Variants in SGCZ observed in about 807,000 individuals in gnomAD.
The protein encoded by SGCZ is zeta-sarcoglycan.
SGCZ carries 40 observed loss-of-function variants against 41.3 expected under a neutral mutation model. The observed-to-expected ratio is 0.97, with a 90% CI of 0.75 to 1.26. The LOEUF (loss-of-function observed/expected upper bound fraction) is 1.26, where lower values mean the gene tolerates loss of function less well. Ranked by LOEUF, SGCZ falls within the 50% of genes most tolerant of loss-of-function variation. SGCZ has a pLI of 0.00. For synonymous variants in SGCZ, 206 were observed against 137.5 expected (o/e 1.50, Z -3.49); for missense variants, 552 against 369.8 (o/e 1.49, Z -4.04).
chr8:15,053,319 C>G (rs533351269), intron 1 of SGCZ, among the ~76,000 whole-genome samples: 11 of 151,456 alleles, frequency 7.3e-5, no homozygotes, highest in Non-Finnish European at 1.2e-4. Flanking sequence ...ATAGTCGTCA[C>G]TATATCTTAC....
rs191720774 is a variant in SGCZ, at chr8:14,794,407, C to T, written c.40-239481G>A. Reference sequence around the variant, plus strand: ...AAAAGACAAAAAGAGCTGTTAGAAACTCAAAATATTTTTCTGAAACTTAAA... The same window carrying T: ...AAAAGACAAAAAGAGCTGTTAGAAATTCAAAATATTTTTCTGAAACTTAAA... On this transcript the variant is annotated intron_variant, in intron 1 of 7. Coordinates refer to ENST00000382080, the MANE Select transcript of SGCZ (RefSeq NM_139167.4). 1.8e-3 allele frequency among the ~76,000 whole-genome samples: 274 copies of T among 152,146 alleles called. 1 individual carries two copies. The highest frequency in any genetic ancestry group is 6.0e-3 in the African/African-American group (250 of 41,526).
chr8:14,374,684 A>C (rs1156458065), intron 2 of SGCZ, among the ~76,000 whole-genome samples: 1 of 152,146 alleles, frequency 6.6e-6, no homozygotes, highest in Non-Finnish European at 1.5e-5. Flanking sequence ...AGATAAGCTC[A>C]TTGGCTTGGG....
chr8:14,305,541 TTAAC>T (rs1317923067), intron 3 of SGCZ, among the ~76,000 whole-genome samples: 6 of 152,302 alleles, frequency 3.9e-5, no homozygotes, highest in South Asian at 2.1e-4. Flanking sequence ...CTTATTAAAT[TTAAC>T]TAACAAATGT....
chr8:14,921,142 G>C (rs1405718564), intron 1 of SGCZ, among the ~76,000 whole-genome samples: 1 of 152,180 alleles, frequency 6.6e-6, no homozygotes, highest in African/African-American at 2.4e-5. Flanking sequence ...ATTGGATTAG[G>C]CTTCAAGCTC....
At chr8:14,186,365 G>A (rs1190629397) in intron 4 of SGCZ, among the ~76,000 whole-genome samples, 1 of 152,192 alleles carries the variant, frequency 6.6e-6, no homozygotes, top group Non-Finnish European at 1.5e-5. Context: ...CCATCCTAAT[G>A]TGATGGAAAT....
intron 2 of SGCZ, among the ~76,000 whole-genome samples, chr8:14,338,696 G>A (rs1185139856): frequency 6.6e-6 from 1 of 152,088 alleles, no homozygotes; most frequent in South Asian, 2.1e-4. Flanking sequence ...ACATTATTTA[G>A]TGTTTATTTT....
chr8:14,418,097 G>C (rs1799545199), intron 2 of SGCZ, among the ~76,000 whole-genome samples: 1 of 151,896 alleles, frequency 6.6e-6, no homozygotes, highest in Non-Finnish European at 1.5e-5. Flanking sequence ...AGGTGAATGA[G>C]TAAAGACACA....
At chr8:14,879,160 T>A (rs1206715537) in intron 1 of SGCZ, 1 of 152,034 alleles carries the variant, frequency 6.6e-6, no homozygotes, top group Non-Finnish European at 1.5e-5. Flanking sequence ...CCCCCATCTC[T>A]TAAAAAAAAT....
At chr8:14,441,697 G>C (rs1036988118) in intron 2 of SGCZ, among the ~76,000 whole-genome samples, 1 of 152,190 alleles carries the variant, frequency 6.6e-6, no homozygotes, top group African/African-American at 2.4e-5. Flanking sequence ...CTCACCACAT[G>C]TAATTTGCAG....
intron 1 of SGCZ, among the ~76,000 whole-genome samples, chr8:15,015,322 C>A (rs1802984718): frequency 6.6e-6 from 1 of 151,882 alleles, no homozygotes; most frequent in Non-Finnish European, 1.5e-5. Context: ...CATCAATTGA[C>A]AAATAGATGA....
intron 2 of SGCZ, among the ~76,000 whole-genome samples, chr8:14,479,739 T>TTTTTTTA: frequency 4.3e-5 from 1 of 23,438 alleles, no homozygotes; most frequent in Non-Finnish European, 1.4e-4. Flanking sequence ...TTCTTTTTTT[T>TTTTTTTA]TTTTTTTTTT....
At chr8:14,504,264 G>C (rs747746962) in intron 2 of SGCZ, among the ~76,000 whole-genome samples, 5 of 152,172 alleles carry the variant, frequency 3.3e-5, no homozygotes, top group Non-Finnish European at 7.4e-5. Flanking sequence ...AAGTATAAAA[G>C]ATTTTAAATC....
chr8:15,113,875 G>T (rs972349263), intron 1 of SGCZ, among the ~76,000 whole-genome samples: 6 of 151,996 alleles, frequency 3.9e-5, no homozygotes, highest in Non-Finnish European at 8.8e-5. Flanking sequence ...TCCCCCATAG[G>T]CCCCATCTTT....
chr8:14,540,631 GT>G (rs747172649), intron 2 of SGCZ, among the ~76,000 whole-genome samples: 2 of 151,498 alleles, frequency 1.3e-5, no homozygotes, highest in Non-Finnish European at 2.9e-5. Flanking sequence ...TTCACTTTCT[GT>G]TTAACTACTT....
chr8:14,363,646 C>G (rs7831683), intron 2 of SGCZ, among the ~76,000 whole-genome samples: 7,008 of 152,088 alleles, frequency 0.046, 527 homozygotes, highest in African/African-American at 0.16. Flanking sequence ...AAGTAAGGAG[C>G]ATTCAATCCT....
At chr8:14,397,189 T>A in intron 2 of SGCZ, among the ~76,000 whole-genome samples, 1 of 152,154 alleles carries the variant, frequency 6.6e-6, no homozygotes, top group East Asian at 1.9e-4. Context: ...TGAGAGATGT[T>A]TATTCCTTAT....
intron 1 of SGCZ, among the ~76,000 whole-genome samples, chr8:14,733,699 A>G (rs186234003): frequency 7.9e-5 from 12 of 152,336 alleles, no homozygotes; most frequent in Non-Finnish European, 1.5e-5. Flanking sequence ...ACATCAATGC[A>G]GCTATGCTAA....
intron 2 of SGCZ, among the ~76,000 whole-genome samples, chr8:14,453,098 A>G (rs1451571105): frequency 1.3e-5 from 2 of 152,244 alleles, no homozygotes; most frequent in African/African-American, 4.8e-5. Context: ...ACAGAGCAAG[A>G]CTTGGTCTCA....
chr8:14,411,853 A>G (rs1799369569), intron 2 of SGCZ, among the ~76,000 whole-genome samples: 1 of 152,082 alleles, frequency 6.6e-6, no homozygotes. Context: ...AACACTTCCA[A>G]ACATTTCTAT....
Sources: allele counts gnomAD v4.1 joint callset (sites outside exome capture counted in the v4.1 genomes callset), GRCh38; gene constraint gnomAD v4.1.1; transcripts MANE v1.5; gene names NCBI Gene and HGNC (gene_info 2026-07-23, HGNC 2026-07-21).